The following UBE2L3 variants were observed in gnomAD, a reference collection of about 807,000 sequenced individuals.
UBE2L3 encodes ubiquitin-conjugating enzyme E2 L3.
A neutral mutation model predicts 17.8 loss-of-function variants in UBE2L3; 1 was observed. That is an observed-to-expected ratio of 0.06 (90% CI 0.02 to 0.27). UBE2L3 has a LOEUF of 0.27. UBE2L3 is among the 10% of genes least tolerant of loss of function. The pLI is 1.00. For missense variants in UBE2L3, 40 were observed against 192.6 expected, an observed-to-expected ratio of 0.21 and a Z score of 4.69; for synonymous variants, 44 against 68.5, an observed-to-expected ratio of 0.64 and a Z score of 1.76.
chr22:21,565,424 C>T (rs1048459902), upstream of UBE2L3, among the ~76,000 whole-genome samples: 2 of 151,650 alleles, frequency 1.3e-5, no homozygotes, highest in African/African-American at 4.8e-5. Flanking sequence ...CCCTTTCCTT[C>T]TCTCCTTTCA....
At chr22:21,596,510 G>A (rs529911945) in intron 2 of UBE2L3, among the ~76,000 whole-genome samples, 212 of 151,968 alleles carry the variant, frequency 1.4e-3, no homozygotes, top group African/African-American at 5.0e-3. Context: ...AGCTGGGATT[G>A]CAGGTGTGCA....
intron 3 of UBE2L3, among the ~76,000 whole-genome samples, chr22:21,618,970 G>A (rs1184583773): frequency 1.3e-5 from 2 of 152,148 alleles, no homozygotes; most frequent in South Asian, 2.1e-4. Flanking sequence ...ACTCCTGAGC[G>A]TGCCCCTAAC....
intron 2 of UBE2L3, among the ~76,000 whole-genome samples, chr22:21,598,210 T>TGTGTGTGTGTGTGTGTGTGTGTGTGTGTG (rs1555885647): frequency 5.9e-5 from 9 of 151,886 alleles, no homozygotes; most frequent in East Asian, 1.9e-4. Context: ...TGTGTGTGTG[T>TGTGTGTGTGTGTGTGTGTGTGTGTGTGTG]TTTTCATTTA....
chr22:21,581,736 G>A (rs1286858590), intron 1 of UBE2L3, among the ~76,000 whole-genome samples: 1 of 149,744 alleles, frequency 6.7e-6, no homozygotes, highest in African/African-American at 2.5e-5. Flanking sequence ...TGGGAGGCGG[G>A]GGTTGTGGTG....
chr22:21,593,888 TCTC>T (rs1167680273), intron 2 of UBE2L3, among the ~76,000 whole-genome samples: 2 of 152,090 alleles, frequency 1.3e-5, no homozygotes, highest in African/African-American at 4.8e-5. Flanking sequence ...CTCTTGTTGG[TCTC>T]CTGCTGTTCT....
chr22:21,557,616 G>A (rs400317), intron 1 of UBE2L3, among the ~76,000 whole-genome samples: 150,282 of 152,154 alleles, frequency 0.99, 74,248 homozygotes, highest in Middle Eastern at 1. Context: ...TCCGCCTCAC[G>A]GGTTTATGCC....
intron 3 of UBE2L3, among the ~76,000 whole-genome samples, chr22:21,618,539 C>CTAA (rs1929898565): frequency 6.6e-6 from 1 of 151,436 alleles, no homozygotes; most frequent in African/African-American, 2.4e-5. Flanking sequence ...GATTGTGCCA[C>CTAA]TAACTCAGCC....
chr22:21,567,662 T>G (rs1037250130), upstream of UBE2L3: 38 of 1,548,050 alleles, frequency 2.5e-5, no homozygotes, highest in Middle Eastern at 4.3e-4. Context: ...CCGCGGCCCC[T>G]CCCCCGCTCC....
intron 2 of UBE2L3, among the ~76,000 whole-genome samples, chr22:21,606,476 A>G (rs954404112): frequency 6.6e-6 from 1 of 152,068 alleles, no homozygotes; most frequent in Admixed American, 6.6e-5. Context: ...AGGGAAAGCT[A>G]TTTTTACATG....
At chr22:21,559,308 A>G (rs1220152483) in intron 1 of UBE2L3, among the ~76,000 whole-genome samples, 1 of 151,346 alleles carries the variant, frequency 6.6e-6, no homozygotes, top group Non-Finnish European at 1.5e-5. Context: ...AGGTTGTGCC[A>G]CTGCACTCCA....
intron 3 of UBE2L3, chr22:21,614,417 C>G: frequency 2.2e-6 from 1 of 453,394 alleles, no homozygotes; most frequent in Non-Finnish European, 4.1e-6. Context: ...TGGTGAAACC[C>G]CGTCTGTACC....
At position 21,599,039 on chromosome 22, in the gene UBE2L3, G is replaced by A. The variant is rs143595584; in HGVS notation, c.123+6083G>A. ...GTATTTTTAGTAGACACAGGGTTTC[G>A]CCATGTTGGCCAGGCTGGTCTTGAA... is the stretch of plus-strand genomic sequence containing the variant. On this transcript the variant is annotated intron_variant, in intron 2 of 3. Transcript: ENST00000342192. Among the ~76,000 whole-genome samples the A allele has an allele frequency of 9.4e-3, 1,420 of 151,344 alleles. 8 individuals are homozygous for A. Among genetic ancestry groups the A allele is most frequent in the Non-Finnish European group, 0.016 (1,111 of 67,810 alleles).
At chr22:21,620,367 C>T (rs147387847) in intron 3 of UBE2L3, among the ~76,000 whole-genome samples, 4 of 152,046 alleles carry the variant, frequency 2.6e-5, no homozygotes, top group East Asian at 3.9e-4. Flanking sequence ...TTGAGGGTAC[C>T]GTGCAGTAAA....
chr22:21,567,790 C>A lies in UBE2L3; in HGVS notation c.27+19C>A. ...GATGAAGGTAAAAGCCATTCTCTGGCAGCGGCCGGGCGTGGGGCGGCGTCC... is the reference window on the plus strand; with the variant it reads ...GATGAAGGTAAAAGCCATTCTCTGGAAGCGGCCGGGCGTGGGGCGGCGTCC... On this transcript the variant is annotated intron_variant, in intron 1 of 3. Transcript: ENST00000342192. 2 of 1,576,172 alleles carry A rather than the reference C, an allele frequency of 1.3e-6. No individual in the cohort carries two copies. The highest frequency in any genetic ancestry group is 8.6e-7 in the Non-Finnish European group (1 of 1,161,912).
chr22:21,565,237 C>T (rs1303831868), upstream of UBE2L3, among the ~76,000 whole-genome samples: 7 of 151,928 alleles, frequency 4.6e-5, no homozygotes, highest in East Asian at 3.9e-4. Flanking sequence ...GGAATACAGG[C>T]GCCCGCCACC....
intron 2 of UBE2L3, among the ~76,000 whole-genome samples, chr22:21,606,667 T>C (rs1024613450): frequency 2.0e-5 from 3 of 152,034 alleles, no homozygotes; most frequent in South Asian, 4.2e-4. Flanking sequence ...CTGGACAACA[T>C]AGTGAGACGC....
At chr22:21,616,092 T>TA (rs1384104997) in intron 3 of UBE2L3, among the ~76,000 whole-genome samples, 7 of 152,210 alleles carry the variant, frequency 4.6e-5, no homozygotes, top group African/African-American at 1.7e-4. Context: ...AAAACAAAGT[T>TA]ATATATTAAT....
chr22:21,562,719 G>A (rs1926488745), upstream of UBE2L3, among the ~76,000 whole-genome samples: 1 of 135,530 alleles, frequency 7.4e-6, no homozygotes, highest in Non-Finnish European at 1.6e-5. Context: ...GGCTTTCCCC[G>A]TGTTCTCAAT....
chr22:21,551,992 TACACACACACAC>T (rs750566572), intron 1 of UBE2L3, among the ~76,000 whole-genome samples: 17 of 99,774 alleles, frequency 1.7e-4, no homozygotes, highest in African/African-American at 2.8e-4. Context: ...ACTGAAGAAA[TACACACACACAC>T]ACACACACAC....
Sources: allele counts gnomAD v4.1 joint callset (sites outside exome capture counted in the v4.1 genomes callset), GRCh38; gene constraint gnomAD v4.1.1; transcripts MANE v1.5; gene names NCBI Gene and HGNC (gene_info 2026-07-23, HGNC 2026-07-21).